The following IRAK4 variants were observed in gnomAD, a reference collection of about 807,000 sequenced individuals.
IRAK4 encodes interleukin-1 receptor-associated kinase 4.
In IRAK4, 44 loss-of-function variants were observed where a neutral mutation model predicts 51.8. That is an observed-to-expected ratio of 0.85 (90% CI 0.67 to 1.09). The LOEUF (loss-of-function observed/expected upper bound fraction) is 1.09, where lower values mean the gene tolerates loss of function less well. IRAK4 is among the 50% of genes least tolerant of loss of function. The pLI is 0.00. For missense variants in IRAK4, 487 were observed against 538.0 expected, an observed-to-expected ratio of 0.91 and a Z score of 0.94; for synonymous variants, 149 against 174.1, an observed-to-expected ratio of 0.86 and a Z score of 1.13.
intron 10 of IRAK4, among the ~76,000 whole-genome samples, chr12:43,784,774 TTGACTGTGATG>T (rs1207263546): frequency 6.6e-6 from 1 of 152,180 alleles, no homozygotes; most frequent in Non-Finnish European, 1.5e-5. Context: ...TTCTTAAGGT[TTGACTGTGATG>T]TGACTCTAAA....
chr12:43,782,298 T>C lies in IRAK4; in HGVS notation c.942-9T>C. ...ACATTTTTTTCTTCAAACTTTACAT[T>C]TTTTTCAGTGCAAATATCTTACTGG... On this transcript the variant is annotated splice_polypyrimidine_tract_variant and intron_variant, in intron 8 of 11. Transcript: ENST00000613694. 2 of 1,605,952 alleles carry C rather than the reference T, an allele frequency of 1.2e-6. No homozygotes were observed. Among genetic ancestry groups the C allele is most frequent in the Non-Finnish European group, 1.7e-6 (2 of 1,172,582 alleles).
Position 43,771,336 on chromosome 12 carries a change from T to G in IRAK4, c.278T>G (p.Phe93Cys). The G allele has an allele frequency of 6.2e-7, 1 of 1,614,162 alleles. No homozygotes were observed. Among genetic ancestry groups the G allele is most frequent in the Middle Eastern group, 1.6e-4 (1 of 6,062 alleles). Reference sequence around the variant, plus strand: ...GTGGATCTTTTGATCCAAAATGAATTTTTTGCTCCTGCGAGTCTTTTGCTC... The same window carrying G: ...GTGGATCTTTTGATCCAAAATGAATGTTTTGCTCCTGCGAGTCTTTTGCTC... ...DLVDLLIQNE[F>C]FAPASLLLPD... Residue 93 changes from phenylalanine (F) to cysteine (C), a missense_variant, in exon 3 of 12, where the codon TTT becomes TGT. Phe to Cys is a radical substitution (Grantham distance 205). Coordinates refer to ENST00000613694, the MANE Select transcript of IRAK4 (RefSeq NM_016123.4).
At chr12:43,772,489 G>C (rs1940870062) in intron 4 of IRAK4, 127 bp downstream of exon 4, 5 of 820,496 alleles carry the variant, frequency 6.1e-6, no homozygotes, top group Non-Finnish European at 1.0e-5. Context: ...TCTTTTGTGA[G>C]TTGTTTCCTC....
intron 2 of IRAK4, among the ~76,000 whole-genome samples, chr12:43,770,387 T>C (rs1325100455): frequency 6.6e-6 from 1 of 152,180 alleles, no homozygotes; most frequent in African/African-American, 2.4e-5. Context: ...AAGAATACAC[T>C]CTTTTGTCAA....
rs556750993 is a variant in IRAK4, at chr12:43,783,798, A to T, written c.1188+74A>T. 54 of 967,750 alleles carry T rather than the reference A, an allele frequency of 5.6e-5. 1 individual carries two copies. In the South Asian group the frequency reaches 6.7e-4, roughly 12 times the overall value. 59.9% of individuals were successfully genotyped at this position (967,750 alleles called of 1,614,324 possible). On this transcript the variant is annotated intron_variant, in intron 10 of 11. Transcript: ENST00000613694. ...GTCTAAATTTATATGGATAAATTTG[A>T]CATCTAAAAATAACATTTTCTATTG...
rs1210785696 is a variant in IRAK4, at chr12:43,773,021, A to G, written c.600A>G (p.Val200=). Residue 200 remains valine, a synonymous_variant, in exon 5 of 12, where the codon GTA becomes GTG. Transcript: ENST00000613694. ...TGGGAGAGGGAGGATTTGGAGTTGT[A>G]TATAAAGGCTACGTAAATAACACAA... ...NKMGEGGFGV[V]YKGYVNNTTV... is the part of the protein sequence containing the mutation. 2 of 1,613,250 alleles carry G rather than the reference A, an allele frequency of 1.2e-6. No individual in the cohort carries two copies. The highest frequency in any genetic ancestry group is 2.2e-5 in the South Asian group (2 of 91,000).
At chr12:43,771,534 G>C (rs1940761937) in intron 3 of IRAK4, among the ~76,000 whole-genome samples, 169 bp downstream of exon 3, 1 of 152,208 alleles carries the variant, frequency 6.6e-6, no homozygotes, top group Non-Finnish European at 1.5e-5. Flanking sequence ...ACAGACAAAG[G>C]ACACTGTGGA....
rs115877973 is a variant in IRAK4 at position 43,768,210 on chromosome 12, G to A, written c.99G>A (p.Lys33=). Residue 33 remains lysine (K), a synonymous_variant, in exon 2 of 12, where the codon AAG becomes AAA. Transcript: ENST00000613694. ...SDFIDPQEGW[K]KLAVAIKKPS... Reference sequence around the variant, plus strand: ...TTATTGATCCTCAAGAAGGATGGAAGAAGTTAGCTGTAGCTATTAAAAAAC... The same window carrying A: ...TTATTGATCCTCAAGAAGGATGGAAAAAGTTAGCTGTAGCTATTAAAAAAC... 1.6e-5 allele frequency: 26 copies of A among 1,613,358 alleles called. No individual in the cohort carries two copies. In the East Asian group the frequency reaches 4.9e-4, roughly 30 times the overall value.
In IRAK4 at chr12:43,785,933, TG is replaced by T. The variant is rs555305850; in HGVS notation, c.1189-463del. ...GTAAAAATACGGTATTATAATTTTA[TG>T]GGACCACCATCTATATGTGATCTGT... On this transcript the variant is annotated intron_variant, in intron 10 of 11. Transcript: ENST00000613694. Among the ~76,000 whole-genome samples, 563 of 152,196 alleles carry T rather than the reference TG, an allele frequency of 3.7e-3. 4 individuals are homozygous for T. The highest frequency in any genetic ancestry group is 0.013 in the African/African-American group (536 of 41,532).
At chr12:43,767,859 T>C (rs1017981814) in intron 1 of IRAK4, among the ~76,000 whole-genome samples, 2 of 152,102 alleles carry the variant, frequency 1.3e-5, no homozygotes, top group East Asian at 3.9e-4. Context: ...CAGAAAAAAG[T>C]CCTCCGATTT....
Position 43,773,174 on chromosome 12 carries a change from A to G in IRAK4, c.651+102A>G, listed in dbSNP as rs182458411. Reference sequence around the variant, plus strand: ...TAGGAAATACATTATTTCAGTATGTATTTTCTTTAAATAAACATCATTCTA... The same window carrying G: ...TAGGAAATACATTATTTCAGTATGTGTTTTCTTTAAATAAACATCATTCTA... On this transcript the variant is annotated intron_variant, in intron 5 of 11. Coordinates refer to ENST00000613694, the MANE Select transcript of IRAK4 (RefSeq NM_016123.4). The G allele has an allele frequency of 1.5e-4, 166 of 1,092,124 alleles. 1 individual carries two copies. In the East Asian group the frequency reaches 4.2e-3, roughly 28 times the overall value. 67.7% of individuals were successfully genotyped at this position (1,092,124 alleles called of 1,614,324 possible).
intron 3 of IRAK4, among the ~76,000 whole-genome samples, 165 bp from the exon 4 acceptor site, chr12:43,772,015 A>G (rs1040160999): frequency 2.2e-4 from 33 of 152,208 alleles, no homozygotes; most frequent in Non-Finnish European, 1.8e-4. Flanking sequence ...CATCTTCATT[A>G]TAACTTACAG....
At chr12:43,765,326 G>T (rs2137873030) in intron 1 of IRAK4, among the ~76,000 whole-genome samples, 1 of 152,284 alleles carries the variant, frequency 6.6e-6, no homozygotes, top group Non-Finnish European at 1.5e-5. Context: ...AATCGATGTG[G>T]ATGGTCTGCC....
chr12:43,776,493 G>T (rs1301420794), intron 6 of IRAK4, among the ~76,000 whole-genome samples: 1 of 152,214 alleles, frequency 6.6e-6, no homozygotes, highest in Non-Finnish European at 1.5e-5. Flanking sequence ...TGCTAGAATT[G>T]TGGATCATTT....
rs963154334 is a variant in IRAK4, at chr12:43,777,405, G to A, written c.717-225G>A. ...CCCTGTCTCAAAAAAAAGAAAAAGA[G>A]GTTTTACTTCTAATGTTGATTAATA... is the stretch of plus-strand genomic sequence containing the variant. On this transcript the variant is annotated intron_variant, in intron 6 of 11. Transcript: ENST00000613694. Among the ~76,000 whole-genome samples the A allele has an allele frequency of 1.1e-4, 16 of 152,042 alleles. No homozygotes were observed. In the South Asian group the frequency reaches 3.3e-3, roughly 32 times the overall value.
intron 8 of IRAK4, among the ~76,000 whole-genome samples, chr12:43,780,565 G>A (rs1361519835): frequency 6.7e-6 from 1 of 149,128 alleles, no homozygotes; most frequent in Non-Finnish European, 1.5e-5. Flanking sequence ...TTTTCTCCCT[G>A]TATGTTCTTT....
chr12:43,777,815 C>G (rs1941424709), intron 7 of IRAK4, 71 bp downstream of exon 7: 21 of 1,274,182 alleles, frequency 1.6e-5, no homozygotes, highest in Non-Finnish European at 2.3e-5. Context: ...CATTTTGTTA[C>G]TGGATTATTT....
chr12:43,762,653 A>G (rs1223383082), intron 1 of IRAK4, among the ~76,000 whole-genome samples: 1 of 152,340 alleles, frequency 6.6e-6, no homozygotes, highest in East Asian at 1.9e-4. Context: ...GCAAACACAT[A>G]AACAGTAAAA....
chr12:43,770,326 T>C (rs1185644721), intron 2 of IRAK4, among the ~76,000 whole-genome samples: 1 of 152,174 alleles, frequency 6.6e-6, no homozygotes, highest in Non-Finnish European at 1.5e-5. Context: ...TTAAAAATTA[T>C]ATAGCTATCA....
Sources: allele counts gnomAD v4.1 joint callset (sites outside exome capture counted in the v4.1 genomes callset), GRCh38; gene constraint gnomAD v4.1.1; transcripts MANE v1.5; gene names NCBI Gene and HGNC (gene_info 2026-07-23, HGNC 2026-07-21).